The following PTPRF variants were observed in gnomAD, a reference collection of about 807,000 sequenced individuals.
PTPRF encodes receptor-type tyrosine-protein phosphatase F.
PTPRF carries 59 observed loss-of-function variants against 201.8 expected under a neutral mutation model. The ratio of observed to expected loss-of-function variants is 0.29; its 90% CI spans 0.24 to 0.36. The LOEUF is 0.36. Among genes scored for constraint, PTPRF ranks in the 10% least tolerant of loss-of-function variants. The pLI is 1.00. For missense variants in PTPRF, 2,132 were observed against 2,690.5 expected (o/e 0.79, Z 4.59); for synonymous variants, 1,088 against 1,089.7 (o/e 1.00, Z 0.03).
At position 43,620,550 on chromosome 1, in the gene PTPRF, C is replaced by T; in HGVS notation, c.5335C>T (p.Leu1779=). 1 of 1,614,160 alleles carries T rather than the reference C, an allele frequency of 6.2e-7. No homozygotes were observed. The highest frequency in any genetic ancestry group is 2.2e-5 in the East Asian group (1 of 44,888). Residue 1779 remains leucine (L), a synonymous_variant, in exon 31 of 34, where the codon CTG becomes TTG. Coordinates refer to ENST00000359947, the MANE Select transcript of PTPRF (RefSeq NM_002840.5). The part of the protein sequence containing the change: ...MAEYNMPQYI[L]REFKVTDARD... The stretch of plus-strand genomic sequence containing the variant: ...TGAGTACAACATGCCCCAGTATATC[C>T]TGCGTGAGTTCAAGGTCACGGATGC...
intron 21 of PTPRF, 115 bp downstream of exon 21, chr1:43,607,083 C>A: frequency 7.3e-7 from 1 of 1,364,612 alleles, no homozygotes; most frequent in Non-Finnish European, 1.0e-6. Context: ...CCCTGAGCCT[C>A]AGGCTCAGCA....
rs1553174851 is a variant in PTPRF, at chr1:43,554,857, CTT to C, written c.379+928_379+929del. Among the ~76,000 whole-genome samples, 7 of 133,336 alleles carry C rather than the reference CTT, an allele frequency of 5.2e-5. No individual in the cohort carries two copies. Among genetic ancestry groups the C allele is most frequent in the Non-Finnish European group, 3.1e-5 (2 of 64,628 alleles). 87.5% of individuals were successfully genotyped at this position (133,336 alleles called of 152,430 possible). A position where few individuals can be genotyped will look rare whatever the true frequency, so the allele number is the denominator to read the frequency against. ...TTTTTTTTCTTTTCTTTCTTTCTTT[CTT>C]TTTTTTTTTTTGAGATGCAGTCTCA... On this transcript the variant is annotated intron_variant, in intron 5 of 33. Coordinates refer to ENST00000359947, the MANE Select transcript of PTPRF (RefSeq NM_002840.5). The surrounding 1 kb of genome is among the most constrained non-coding windows in gnomAD (Gnocchi z 4.1).
chr1:43,528,189 C>CTTTTA (rs1643198481), upstream of PTPRF, among the ~76,000 whole-genome samples: 1 of 152,082 alleles, frequency 6.6e-6, no homozygotes, highest in South Asian at 2.1e-4. Flanking sequence ...TAGAGCAAGT[C>CTTTTA]TTTTATTTTA....
intron 17 of PTPRF, 45 bp from the exon 18 acceptor site, chr1:43,605,145 G>A (rs1453346228): frequency 6.3e-7 from 1 of 1,577,356 alleles, no homozygotes; most frequent in Non-Finnish European, 8.6e-7. Flanking sequence ...CCCGTGGTAG[G>A]GAACCTCACC....
chr1:43,536,488 C>A (rs1239550569), intron 1 of PTPRF, among the ~76,000 whole-genome samples: 1 of 152,186 alleles, frequency 6.6e-6, no homozygotes, highest in African/African-American at 2.4e-5. Context: ...AAGCACGAGA[C>A]CCTGCTGTGG....
Position 43,609,439 on chromosome 1 carries a change from C to A in PTPRF, c.3914C>A (p.Ser1305Tyr). The A allele has an allele frequency of 6.2e-7, 1 of 1,614,098 alleles. No homozygotes were observed. Among genetic ancestry groups the A allele is most frequent in the Non-Finnish European group, 8.5e-7 (1 of 1,179,988 alleles). Residue 1305 changes from serine to tyrosine, a missense_variant, in exon 22 of 34, where the codon TCC (serine) becomes TAC (tyrosine). Coordinates refer to ENST00000359947, the MANE Select transcript of PTPRF (RefSeq NM_002840.5). ...GAGCAGTCGATCGGACTGAAGGACT[C>A]CTTGCTGGCCCACTCCTCTGACCCT... Reference protein sequence around the residue: ...KDEQSIGLKDSLLAHSSDPVE... With the variant: ...KDEQSIGLKDYLLAHSSDPVE...
chr1:43,585,710 A>T (rs1206745292), intron 7 of PTPRF, among the ~76,000 whole-genome samples: 1 of 152,198 alleles, frequency 6.6e-6, no homozygotes, highest in African/African-American at 2.4e-5. Context: ...TGATCCATGA[A>T]GTCCGCCTTT....
chr1:43,619,645 G>A (rs1353119170), intron 28 of PTPRF, 35 bp from the exon 29 acceptor site: 1 of 1,611,630 alleles, frequency 6.2e-7, no homozygotes. Context: ...ACCCCCACAG[G>A]AAGCCTGGCC....
intron 25 of PTPRF, among the ~76,000 whole-genome samples, chr1:43,618,281 T>C (rs186542223): frequency 5.9e-5 from 9 of 152,326 alleles, no homozygotes; most frequent in South Asian, 4.1e-4. Flanking sequence ...GCTGCTGTTA[T>C]CTGTTTTTGG....
Position 43,542,889 on chromosome 1 carries a change from A to G in PTPRF, c.-45-2142A>G, listed in dbSNP as rs1272610380. ...ATATCCCATGATGACGGTGCTGTGC[A>G]TTTTATTTTCATAGCAGGGAGATAT... On this transcript the variant is annotated intron_variant, in intron 2 of 33. Coordinates refer to ENST00000359947, the MANE Select transcript of PTPRF (RefSeq NM_002840.5). The surrounding 1 kb of genome is among the most constrained non-coding windows in gnomAD (Gnocchi z 5.2). Among the ~76,000 whole-genome samples the G allele has an allele frequency of 2.6e-5, 4 of 152,108 alleles. No individual in the cohort carries two copies. Among genetic ancestry groups the G allele is most frequent in the African/African-American group, 9.7e-5 (4 of 41,386 alleles).
At chr1:43,531,279 A>T (rs1385620774) in intron 1 of PTPRF, among the ~76,000 whole-genome samples, 189 bp downstream of exon 1, 2 of 13,734 alleles carry the variant, frequency 1.5e-4, no homozygotes, top group East Asian at 1.6e-3. Flanking sequence ...TCCACGCCCC[A>T]GCCTGGCGGC....
intron 25 of PTPRF, 52 bp from the exon 26 acceptor site, chr1:43,618,578 C>A (rs369973816): frequency 1.3e-6 from 2 of 1,565,484 alleles, no homozygotes; most frequent in Non-Finnish European, 1.7e-6. Flanking sequence ...CCTGCTTCTG[C>A]CCGTCTGAGC....
chr1:43,524,078 A>G (rs1643028036), upstream of PTPRF, among the ~76,000 whole-genome samples: 1 of 145,826 alleles, frequency 6.9e-6, no homozygotes, highest in Admixed American at 7.1e-5. Flanking sequence ...AAAAAAAGGA[A>G]GAAAGAAAGA....
At chr1:43,533,759 G>C (rs1017602619) in intron 1 of PTPRF, among the ~76,000 whole-genome samples, 3 of 152,198 alleles carry the variant, frequency 2.0e-5, no homozygotes, top group Non-Finnish European at 2.9e-5. Context: ...CTTGCAGTCA[G>C]GGCCCTACCC....
rs550496747 is a variant in PTPRF, at chr1:43,607,895, G to A, written c.3857+927G>A. Among the ~76,000 whole-genome samples the A allele has an allele frequency of 9.8e-5, 15 of 152,358 alleles. 1 individual carries two copies. Among genetic ancestry groups the A allele is most frequent in the South Asian group, 8.3e-4 (4 of 4,830 alleles). On this transcript the variant is annotated intron_variant, in intron 21 of 33. Coordinates refer to ENST00000359947, the MANE Select transcript of PTPRF (RefSeq NM_002840.5). Reference sequence around the variant, plus strand: ...TCCCCTGTGATGCTCCACTGCAAACGCAGCTGGGCCTGTGTGCCAAGCCTT... The same window carrying A: ...TCCCCTGTGATGCTCCACTGCAAACACAGCTGGGCCTGTGTGCCAAGCCTT...
At chr1:43,591,713 G>C (rs1384561027) in intron 9 of PTPRF, 99 bp from the exon 10 acceptor site, 1 of 1,504,512 alleles carries the variant, frequency 6.6e-7, no homozygotes, top group African/African-American at 1.4e-5. Flanking sequence ...TGTAGGATAA[G>C]GGTGTGAGGT....
chr1:43,575,834 T>G, intron 6 of PTPRF: 1 of 1,257,710 alleles, frequency 8.0e-7, no homozygotes, highest in Non-Finnish European at 1.1e-6. Flanking sequence ...TTACCTGATT[T>G]GGCTTTGTGT....
At chr1:43,621,358 C>T in intron 33 of PTPRF, 126 bp downstream of exon 33, 2 of 1,276,630 alleles carry the variant, frequency 1.6e-6, no homozygotes, top group East Asian at 2.5e-5. Context: ...TTCACGTGGC[C>T]TGCGATAGGC....
At position 43,619,864 on chromosome 1, in the gene PTPRF, C is replaced by T. The variant is rs1289801343; in HGVS notation, c.5111+6C>T. 2 of 1,613,164 alleles carry T rather than the reference C, an allele frequency of 1.2e-6. No individual in the cohort carries two copies. The highest frequency in any genetic ancestry group is 4.5e-5 in the East Asian group (2 of 44,892). ...AGCTTCCTGGATGGTTATAGGTCAG[C>T]ATGCATGTCACTGCCCCACCATGCC... On this transcript the variant is annotated splice_donor_region_variant and intron_variant, in intron 29 of 33. Coordinates refer to ENST00000359947, the MANE Select transcript of PTPRF (RefSeq NM_002840.5).
Sources: gnomAD v4.1 joint callset for allele counts (sites outside exome capture counted in the v4.1 genomes callset) on GRCh38, gnomAD v4.1.1 for gene constraint, Gnocchi (gnomAD v3.1) non-coding constraint, MANE v1.5 for transcripts, NCBI Gene and HGNC (gene_info 2026-07-23, HGNC 2026-07-21) for gene names.